Variants in CMTM4 observed in about 807,000 individuals in gnomAD.
The protein encoded by CMTM4 is CKLF like MARVEL transmembrane domain containing 4.
A neutral mutation model predicts 19.0 loss-of-function variants in CMTM4; 8 were observed. The observed-to-expected ratio is 0.42, with a 90% CI of 0.25 to 0.76. The LOEUF is 0.76. CMTM4 is among the 30% of genes least tolerant of loss of function. The probability of loss-of-function intolerance (pLI) is 0.27; values close to 1 mark genes in which losing one functional copy is unlikely to be tolerated. For missense variants in CMTM4, 228 were observed against 290.2 expected (o/e 0.79, Z 1.56); for synonymous variants, 106 against 121.1 (o/e 0.88, Z 0.82).
At chr16:66,614,114 G>A (rs1017615863), downstream of CMTM4, among the ~76,000 whole-genome samples, 1 of 152,232 alleles carries the variant, frequency 6.6e-6, no homozygotes, top group Non-Finnish European at 1.5e-5. This position sits in a 1 kb window ranked among gnomAD's most constrained non-coding sequence, Gnocchi z 4.9. Context: ...ATTCCTATGA[G>A]AACCTAATCC....
At chr16:66,665,369 T>A (rs1402018257) in intron 1 of CMTM4, among the ~76,000 whole-genome samples, 1 of 149,664 alleles carries the variant, frequency 6.7e-6, no homozygotes, top group African/African-American at 2.5e-5. Flanking sequence ...TAGGATAAAA[T>A]CTTTATAAGC....
intron 1 of CMTM4, among the ~76,000 whole-genome samples, chr16:66,640,463 G>A (rs1337726025): frequency 6.6e-6 from 1 of 152,146 alleles, no homozygotes; most frequent in Non-Finnish European, 1.5e-5. Flanking sequence ...GGGTCAGGTG[G>A]CCCCTAGGGA....
intron 1 of CMTM4, among the ~76,000 whole-genome samples, chr16:66,653,911 G>GT (rs372685688): frequency 6.7e-4 from 101 of 150,910 alleles, no homozygotes; most frequent in African/African-American, 1.9e-3. Context: ...ATTTTTATGT[G>GT]TTTTTTTTTA....
intron 1 of CMTM4, among the ~76,000 whole-genome samples, chr16:66,642,369 C>G (rs2016111267): frequency 6.6e-6 from 1 of 152,146 alleles, no homozygotes; most frequent in Non-Finnish European, 1.5e-5. Context: ...TGGAGAGAGT[C>G]CTTTCCAGGT....
At chr16:66,634,413 C>A (rs1011702998) in intron 2 of CMTM4, among the ~76,000 whole-genome samples, 1 of 151,524 alleles carries the variant, frequency 6.6e-6, no homozygotes, top group Admixed American at 6.6e-5. Flanking sequence ...GCACTCCAGC[C>A]TGGGCAACAG....
intron 1 of CMTM4, among the ~76,000 whole-genome samples, chr16:66,670,797 T>TAA (rs200954509): frequency 7.1e-6 from 1 of 139,908 alleles, no homozygotes; most frequent in African/African-American, 2.6e-5. Context: ...AGACTCCATA[T>TAA]AAAAAAAAAA....
chr16:66,652,001 TGAG>T (rs1452366051), intron 1 of CMTM4, among the ~76,000 whole-genome samples: 1 of 152,206 alleles, frequency 6.6e-6, no homozygotes, highest in Non-Finnish European at 1.5e-5. Context: ...AGCTAGGACC[TGAG>T]GGTAGCAAAG....
At chr16:66,661,063 T>G (rs1435517232) in intron 1 of CMTM4, among the ~76,000 whole-genome samples, 1 of 152,212 alleles carries the variant, frequency 6.6e-6, no homozygotes, top group African/African-American at 2.4e-5. Context: ...AACTGGACAC[T>G]ATCCAAAGGT....
intron 2 of CMTM4, among the ~76,000 whole-genome samples, chr16:66,627,531 CA>C (rs2015767072): frequency 6.6e-6 from 1 of 152,044 alleles, no homozygotes; most frequent in Admixed American, 6.6e-5. Context: ...TTTAGCACTC[CA>C]AAAAAAGCCT....
rs2015558048 is a variant in CMTM4 at position 66,618,042 on chromosome 16, G to T, written c.*4016C>A. The T allele has an allele frequency of 1.9e-5, 19 of 985,476 alleles. No individual in the cohort carries two copies. The highest frequency in any genetic ancestry group is 2.2e-5 in the Non-Finnish European group (18 of 830,062). 61.0% of individuals were successfully genotyped at this position (985,476 alleles called of 1,614,324 possible). On this transcript the variant is annotated 3_prime_UTR_variant, in exon 4 of 4. Transcript: ENST00000394106. ...TATCTCCCAGACCTGGCCGTGTGTG[G>T]ACCTCACCAGCCTACCAAGCTGTTG...
intron 1 of CMTM4, among the ~76,000 whole-genome samples, chr16:66,679,580 T>C (rs1441338882): frequency 3.9e-5 from 6 of 151,956 alleles, no homozygotes; most frequent in African/African-American, 9.7e-5. Context: ...TCCCAGCAGT[T>C]AGGGAGGCCG....
chr16:66,605,211 G>A, the CMTM4 span: 1 of 359,712 alleles, frequency 2.8e-6, no homozygotes, highest in Non-Finnish European at 5.0e-6. This position sits in a 1 kb window ranked among gnomAD's most constrained non-coding sequence, Gnocchi z 4.6. Context: ...GTGGGAAGTG[G>A]GTGGGGCCCG....
At chr16:66,601,888 G>A in the CMTM4 span, among the ~76,000 whole-genome samples, 7 of 152,188 alleles carry the variant, frequency 4.6e-5, no homozygotes, top group Admixed American at 4.6e-4. Context: ...GCTCCTGTCT[G>A]CCCCATGGAG....
At chr16:66,630,991 C>G (rs1414625006) in intron 2 of CMTM4, among the ~76,000 whole-genome samples, 1 of 151,998 alleles carries the variant, frequency 6.6e-6, no homozygotes, top group South Asian at 2.1e-4. Flanking sequence ...CCAGCTGCCC[C>G]GTCTGAGAAG....
intron 1 of CMTM4, among the ~76,000 whole-genome samples, chr16:66,695,655 C>G (rs1373227011): frequency 2.0e-5 from 3 of 152,194 alleles, no homozygotes; most frequent in Admixed American, 2.0e-4. Flanking sequence ...TTTCTGCTAC[C>G]TCCAAAACTG....
intron 1 of CMTM4, among the ~76,000 whole-genome samples, chr16:66,643,196 C>T (rs2016128753): frequency 6.6e-6 from 1 of 152,200 alleles, no homozygotes; most frequent in East Asian, 1.9e-4. Context: ...ACTGGGATTA[C>T]AGGCATGAGC....
intron 1 of CMTM4, among the ~76,000 whole-genome samples, chr16:66,677,597 A>C (rs984725139): frequency 6.6e-6 from 1 of 152,216 alleles, no homozygotes; most frequent in Non-Finnish European, 1.5e-5. Context: ...CCCTATGGTG[A>C]CAGGTAGTCT....
intron 1 of CMTM4, among the ~76,000 whole-genome samples, chr16:66,687,293 G>A (rs796865949): frequency 2.6e-5 from 4 of 152,154 alleles, no homozygotes; most frequent in African/African-American, 9.6e-5. Flanking sequence ...CAGTATATGA[G>A]CTTTAAGGCT....
chr16:66,668,698 C>T (rs755092093), intron 1 of CMTM4, among the ~76,000 whole-genome samples: 1 of 152,068 alleles, frequency 6.6e-6, no homozygotes, highest in Non-Finnish European at 1.5e-5. Context: ...AAGCTTTTGA[C>T]TATTACCTTA....
Sources: allele counts gnomAD v4.1 joint callset (sites outside exome capture counted in the v4.1 genomes callset), GRCh38; gene constraint gnomAD v4.1.1; non-coding constraint Gnocchi (gnomAD v3.1); transcripts MANE v1.5; gene names NCBI Gene and HGNC (gene_info 2026-07-23, HGNC 2026-07-21).